Variants in ROR2 observed in about 807,000 individuals in gnomAD.
ROR2 encodes the protein tyrosine-protein kinase transmembrane receptor ROR2.
In ROR2, 33 loss-of-function variants were observed where a neutral mutation model predicts 74.9. That is an observed-to-expected ratio of 0.44 (90% CI 0.33 to 0.59). The LOEUF (loss-of-function observed/expected upper bound fraction) is 0.59, where lower values mean the gene tolerates loss of function less well. ROR2 is among the 20% of genes least tolerant of loss of function. ROR2 has a pLI of 0.02. For synonymous variants in ROR2, 586 were observed against 558.7 expected, an observed-to-expected ratio of 1.05 and a Z score of -0.69; for missense variants, 1,216 against 1,313.8, an observed-to-expected ratio of 0.93 and a Z score of 1.15.
intron 3 of ROR2, among the ~76,000 whole-genome samples, chr9:91,756,558 C>G (rs969935497): frequency 2.0e-5 from 3 of 151,870 alleles, no homozygotes; most frequent in African/African-American, 4.8e-5. Context: ...CTCTCCCCAC[C>G]CCAGCCAGGT....
At position 91,723,345 on chromosome 9, in the gene ROR2, T is replaced by G; in HGVS notation, c.*317A>C. The G allele has an allele frequency of 2.9e-6, 1 of 348,376 alleles. No homozygotes were observed. The allele number at this position is 348,376 out of a possible 1,614,324, so 21.6% of individuals were successfully genotyped here. A position where few individuals can be genotyped will look rare whatever the true frequency, so the allele number is the denominator to read the frequency against. On this transcript the variant is annotated 3_prime_UTR_variant, in exon 9 of 9. Coordinates refer to ENST00000375708, the MANE Select transcript of ROR2 (RefSeq NM_004560.4). ...ACATGGAGTGAAGCTGCCACCTATT[T>G]TCTTGAAAGGCATTTGCTGCTCACT...
intron 1 of ROR2, among the ~76,000 whole-genome samples, chr9:91,915,371 G>A (rs980056987): frequency 3.9e-5 from 6 of 152,164 alleles, no homozygotes; most frequent in African/African-American, 1.2e-4. Context: ...TGTTCCTTCC[G>A]GTAGGTTCAC....
At chr9:91,929,940 G>A (rs77020597) in intron 1 of ROR2, among the ~76,000 whole-genome samples, 3,205 of 152,172 alleles carry the variant, frequency 0.021, 109 homozygotes, top group African/African-American at 0.073. Flanking sequence ...CCAAGAAAAT[G>A]TGCTGTCTTT....
intron 1 of ROR2, among the ~76,000 whole-genome samples, chr9:91,779,400 C>T (rs1184954814): frequency 3.6e-5 from 5 of 137,684 alleles, no homozygotes; most frequent in African/African-American, 8.4e-5. Flanking sequence ...GACAGAGTTT[C>T]GCTCTTGTTG....
chr9:91,832,130 C>T (rs1199200103), intron 1 of ROR2, among the ~76,000 whole-genome samples: 1 of 152,092 alleles, frequency 6.6e-6, no homozygotes, highest in Non-Finnish European at 1.5e-5. Flanking sequence ...TCTCATAGAG[C>T]CCAAGGCACT....
chr9:91,936,374 T>C (rs999469930), intron 1 of ROR2, among the ~76,000 whole-genome samples: 2 of 152,212 alleles, frequency 1.3e-5, no homozygotes, highest in African/African-American at 4.8e-5. Flanking sequence ...GAGTGTCGTC[T>C]GCCTGTGGTC....
At chr9:91,862,578 C>T (rs1829501506) in intron 1 of ROR2, among the ~76,000 whole-genome samples, 1 of 152,088 alleles carries the variant, frequency 6.6e-6, no homozygotes, top group South Asian at 2.1e-4. Context: ...AGGAGAATCG[C>T]TTGAGCCCAG....
chr9:91,771,566 C>T (rs1005599692), intron 2 of ROR2, among the ~76,000 whole-genome samples: 3 of 152,196 alleles, frequency 2.0e-5, no homozygotes, highest in Non-Finnish European at 4.4e-5. Flanking sequence ...CCTACAGTCG[C>T]CTGCAGTCTT....
At chr9:91,751,517 A>G (rs946918336) in intron 4 of ROR2, among the ~76,000 whole-genome samples, 6 of 152,172 alleles carry the variant, frequency 3.9e-5, no homozygotes, top group African/African-American at 1.2e-4. Context: ...ACTAAAAGGG[A>G]CTGTAAAAAG....
In ROR2 at chr9:91,911,933, CAAA is replaced by C. The variant is rs747087662; in HGVS notation, c.97+37931_97+37933del. Among the ~76,000 whole-genome samples the C allele has an allele frequency of 1.2e-3, 93 of 76,390 alleles. 1 individual carries two copies. The highest frequency in any genetic ancestry group is 4.0e-3 in the African/African-American group (82 of 20,740). The allele number at this position is 76,390 out of a possible 152,430, so 50.1% of individuals were successfully genotyped here. ...CCAGTGTCCATTACCTGAGTCTAAG[CAAA>C]AAAAAAAAAAAAAAAAAACCACAAA... is the stretch of plus-strand genomic sequence containing the variant. On this transcript the variant is annotated intron_variant, in intron 1 of 8. Transcript: ENST00000375708.
chr9:91,843,645 A>G (rs942896473), intron 1 of ROR2, among the ~76,000 whole-genome samples: 1 of 152,198 alleles, frequency 6.6e-6, no homozygotes, highest in African/African-American at 2.4e-5. Flanking sequence ...GAGACTCCAC[A>G]CAACTACAGT....
intron 2 of ROR2, among the ~76,000 whole-genome samples, chr9:91,771,855 C>G (rs536225053): frequency 7.9e-5 from 12 of 152,326 alleles, no homozygotes; most frequent in Admixed American, 2.0e-4. Flanking sequence ...GTAAAGCTGT[C>G]ATATCACTGA....
At chr9:91,814,120 C>T (rs1014074133) in intron 1 of ROR2, among the ~76,000 whole-genome samples, 4 of 152,038 alleles carry the variant, frequency 2.6e-5, no homozygotes, top group Admixed American at 1.3e-4. Flanking sequence ...GCTGGGAGGT[C>T]GAGGTTGCAG....
At chr9:91,873,001 A>T (rs1447167769) in intron 1 of ROR2, among the ~76,000 whole-genome samples, 1 of 152,164 alleles carries the variant, frequency 6.6e-6, no homozygotes, top group Non-Finnish European at 1.5e-5. Context: ...AAATTCTTAA[A>T]CTTCTTGGAG....
chr9:91,934,366 C>T (rs1008566106), intron 1 of ROR2, among the ~76,000 whole-genome samples: 1 of 152,162 alleles, frequency 6.6e-6, no homozygotes, highest in Non-Finnish European at 1.5e-5. Context: ...CCATAAAAGA[C>T]AGAAAATACG....
chr9:91,907,223 T>A (rs938335673), intron 1 of ROR2, among the ~76,000 whole-genome samples: 2 of 152,182 alleles, frequency 1.3e-5, no homozygotes, highest in African/African-American at 4.8e-5. Flanking sequence ...ACATTCTCAA[T>A]GGCTCTGCAT....
At chr9:91,948,033 A>G (rs1380191928) in intron 1 of ROR2, among the ~76,000 whole-genome samples, 1 of 152,190 alleles carries the variant, frequency 6.6e-6, no homozygotes, top group Non-Finnish European at 1.5e-5. Context: ...ATTAAAGAAA[A>G]CGACTCCAAT....
intron 1 of ROR2, among the ~76,000 whole-genome samples, chr9:91,808,902 C>T (rs1397319903): frequency 3.3e-5 from 5 of 151,402 alleles, no homozygotes; most frequent in Admixed American, 3.3e-4. Context: ...ACTCAGGAGG[C>T]TGAGGCAGGA....
In ROR2 at chr9:91,950,119, G is replaced by A; in HGVS notation, c.-156C>T. On this transcript the variant is annotated 5_prime_UTR_variant, in exon 1 of 9. Coordinates refer to ENST00000375708, the MANE Select transcript of ROR2 (RefSeq NM_004560.4). ...GGACCTCGTCGTCGTCCTCTTCTCC[G>A]GCCCGGATGCGCCGCTCGGCTCCGG... The A allele has an allele frequency of 4.7e-6, 2 of 423,186 alleles. No individual in the cohort carries two copies. Among genetic ancestry groups the A allele is most frequent in the Non-Finnish European group, 8.2e-6 (2 of 244,534 alleles). The allele number at this position is 423,186 out of a possible 1,614,324, so 26.2% of individuals were successfully genotyped here.
Sources: allele counts gnomAD v4.1 joint callset (sites outside exome capture counted in the v4.1 genomes callset), GRCh38; gene constraint gnomAD v4.1.1; transcripts MANE v1.5; gene names NCBI Gene and HGNC (gene_info 2026-07-23, HGNC 2026-07-21).